The following CMPK1 variants were observed in gnomAD, a reference collection of about 807,000 sequenced individuals.
CMPK1 encodes cytidine/uridine monophosphate kinase 1.
A neutral mutation model predicts 25.7 loss-of-function variants in CMPK1; 10 were observed. That is an observed-to-expected ratio of 0.39 (90% CI 0.24 to 0.66). The LOEUF is 0.66. Ranked by LOEUF, CMPK1 falls within the 30% of genes least tolerant of loss-of-function variation. The pLI, the probability that CMPK1 is intolerant of heterozygous loss-of-function variation, is 0.48. For synonymous variants in CMPK1, 106 were observed against 101.5 expected, an observed-to-expected ratio of 1.04 and a Z score of -0.27; for missense variants, 199 against 280.5, an observed-to-expected ratio of 0.71 and a Z score of 2.08.
chr1:47,370,038 C>T (rs1350320601), intron 2 of CMPK1, among the ~76,000 whole-genome samples: 1 of 151,020 alleles, frequency 6.6e-6, no homozygotes, highest in East Asian at 2.0e-4. Context: ...TCTCAGCCTT[C>T]CGAGTAGCTG....
intron 1 of CMPK1, among the ~76,000 whole-genome samples, chr1:47,342,651 T>TTC (rs764985794): frequency 5.6e-4 from 20 of 35,514 alleles, no homozygotes; most frequent in African/African-American, 1.2e-3. Flanking sequence ...TCTTTTTTCT[T>TTC]TTTTTTTTTT....
At chr1:47,338,804 G>A (rs1646419038) in intron 1 of CMPK1, among the ~76,000 whole-genome samples, 4 of 151,538 alleles carry the variant, frequency 2.6e-5, no homozygotes, top group Admixed American at 2.6e-4. Flanking sequence ...AATCATGATG[G>A]GAATACTGTG....
chr1:47,342,895 G>A (rs537608452), intron 1 of CMPK1, among the ~76,000 whole-genome samples: 4 of 151,614 alleles, frequency 2.6e-5, no homozygotes, highest in South Asian at 2.1e-4. Context: ...TGATTCACCC[G>A]CCTCAGCCTC....
chr1:47,340,450 T>TC (rs1646433262), intron 1 of CMPK1, among the ~76,000 whole-genome samples: 1 of 152,120 alleles, frequency 6.6e-6, no homozygotes, highest in Non-Finnish European at 1.5e-5. Flanking sequence ...TCCTCAGATT[T>TC]CTCATGTAAC....
At chr1:47,358,164 T>TGCAGTG (rs1479220353) in intron 1 of CMPK1, 7 of 257,206 alleles carry the variant, frequency 2.7e-5, no homozygotes, top group African/African-American at 2.5e-5. Flanking sequence ...TAGGCTAGAG[T>TGCAGTG]GCAGTGGTAC....
At chr1:47,376,182 T>C (rs1164743112) in intron 5 of CMPK1, among the ~76,000 whole-genome samples, 1 of 151,878 alleles carries the variant, frequency 6.6e-6, no homozygotes, top group Non-Finnish European at 1.5e-5. Context: ...TTATATAATA[T>C]TACTGTCTAA....
intron 1 of CMPK1, among the ~76,000 whole-genome samples, chr1:47,354,653 G>A (rs750719336): frequency 4.2e-4 from 56 of 132,556 alleles, no homozygotes; most frequent in Admixed American, 2.0e-3. Context: ...GTTCCATATC[G>A]GAACATACAG....
At chr1:47,341,371 T>C (rs1039973048) in intron 1 of CMPK1, among the ~76,000 whole-genome samples, 1 of 152,196 alleles carries the variant, frequency 6.6e-6, no homozygotes, top group Non-Finnish European at 1.5e-5. Context: ...TTTGTTTGTT[T>C]GTTTGTTTTG....
intron 1 of CMPK1, among the ~76,000 whole-genome samples, chr1:47,362,411 G>A (rs965238009): frequency 7.9e-5 from 12 of 151,288 alleles, no homozygotes; most frequent in African/African-American, 2.7e-4. Flanking sequence ...CAGGTGATCC[G>A]CCCGACTTGG....
chr1:47,342,266 G>C (rs188428777), intron 1 of CMPK1, among the ~76,000 whole-genome samples: 217 of 151,974 alleles, frequency 1.4e-3, no homozygotes, highest in Admixed American at 2.0e-3. Context: ...ATTTTTAGTA[G>C]AGACAGGGTT....
At chr1:47,335,609 C>G (rs1646391797) in intron 1 of CMPK1, among the ~76,000 whole-genome samples, 1 of 138,018 alleles carries the variant, frequency 7.2e-6, no homozygotes, top group East Asian at 2.1e-4. Context: ...TGCACACTAG[C>G]CTGGGCGAAA....
chr1:47,338,731 A>C (rs1646418687), intron 1 of CMPK1, among the ~76,000 whole-genome samples: 2 of 151,934 alleles, frequency 1.3e-5, no homozygotes, highest in South Asian at 4.1e-4. Flanking sequence ...TATTTTCTAA[A>C]TCAGTGTGAT....
intron 2 of CMPK1, 118 bp from the exon 3 acceptor site, chr1:47,372,837 T>A: frequency 8.5e-6 from 5 of 589,472 alleles, no homozygotes; most frequent in Non-Finnish European, 1.1e-5. Flanking sequence ...CTATGTACCC[T>A]CCACCCTTTA....
At chr1:47,334,278 C>T (rs1323151832) in intron 1 of CMPK1, among the ~76,000 whole-genome samples, 162 bp downstream of exon 1, 2 of 151,750 alleles carry the variant, frequency 1.3e-5, no homozygotes, top group Non-Finnish European at 2.9e-5. Context: ...GCCGCCGGCG[C>T]GCGGCGTGCC....
chr1:47,370,137 T>A (rs2149333962), intron 2 of CMPK1, among the ~76,000 whole-genome samples: 1 of 150,716 alleles, frequency 6.6e-6, no homozygotes, highest in African/African-American at 2.4e-5. Flanking sequence ...CAGGATGGTC[T>A]CCATCTCCTG....
At chr1:47,360,848 A>C (rs1646596554) in intron 1 of CMPK1, among the ~76,000 whole-genome samples, 3 of 152,172 alleles carry the variant, frequency 2.0e-5, no homozygotes. Context: ...GAAGAGCTTT[A>C]TTGGTGATAT....
intron 1 of CMPK1, among the ~76,000 whole-genome samples, chr1:47,349,646 T>C (rs531032028): frequency 6.6e-6 from 1 of 152,302 alleles, no homozygotes; most frequent in South Asian, 2.1e-4. Flanking sequence ...ACCTATAAAG[T>C]TGAGAAAAGG....
At chr1:47,339,811 G>A (rs892384432) in intron 1 of CMPK1, among the ~76,000 whole-genome samples, 2 of 148,162 alleles carry the variant, frequency 1.3e-5, no homozygotes, top group Non-Finnish European at 3.0e-5. Context: ...GGGTTCAAGC[G>A]ATTCTCCTCC....
rs1450159457 is a variant in CMPK1, at chr1:47,338,568, CCTCT to C, written c.171+4456_171+4459del. The stretch of plus-strand genomic sequence containing the variant: ...CCCTCCCTCTCTCCTTCCCTCCCTC[CCTCT>C]CTCCTTCCCTCCCTCCCTCCTTCCT... On this transcript the variant is annotated intron_variant, in intron 1 of 5. Coordinates refer to ENST00000371873, the MANE Select transcript of CMPK1 (RefSeq NM_016308.3). 1.4e-3 allele frequency among the ~76,000 whole-genome samples: 185 copies of C among 136,824 alleles called. 1 individual carries two copies. Among genetic ancestry groups the C allele is most frequent in the Non-Finnish European group, 1.6e-3 (103 of 63,236 alleles). 89.8% of individuals were successfully genotyped at this position (136,824 alleles called of 152,430 possible). A position where few individuals can be genotyped will look rare whatever the true frequency, so the allele number is the denominator to read the frequency against.
Sources: allele counts gnomAD v4.1 joint callset (sites outside exome capture counted in the v4.1 genomes callset), GRCh38; gene constraint gnomAD v4.1.1; transcripts MANE v1.5; gene names NCBI Gene and HGNC (gene_info 2026-07-23, HGNC 2026-07-21).